Variants in MITF observed in about 807,000 individuals in gnomAD.
The protein encoded by MITF is microphthalmia-associated transcription factor.
MITF carries 17 observed loss-of-function variants against 60.5 expected under a neutral mutation model. That is an observed-to-expected ratio of 0.28 (90% CI 0.19 to 0.42). The LOEUF (loss-of-function observed/expected upper bound fraction) is 0.42. MITF is among the 10% of genes least tolerant of loss of function. The pLI is 1.00. For missense variants in MITF, 622 were observed against 683.5 expected, an observed-to-expected ratio of 0.91 and a Z score of 1.00; for synonymous variants, 260 against 248.5, an observed-to-expected ratio of 1.05 and a Z score of -0.43.
At chr3:69,869,627 A>C (rs2064185370) in intron 1 of MITF, among the ~76,000 whole-genome samples, 1 of 152,140 alleles carries the variant, frequency 6.6e-6, no homozygotes, top group African/African-American at 2.4e-5. Flanking sequence ...GAGGTCTGAA[A>C]AGCCCTTCTG....
At chr3:69,929,116 T>C (rs920681385) in intron 2 of MITF, among the ~76,000 whole-genome samples, 2 of 152,098 alleles carry the variant, frequency 1.3e-5, no homozygotes, top group East Asian at 3.9e-4. Flanking sequence ...CCAGAGGTGG[T>C]CAGAATCCTA....
chr3:69,903,876 G>A (rs2065043755), intron 2 of MITF, among the ~76,000 whole-genome samples: 1 of 152,106 alleles, frequency 6.6e-6, no homozygotes, highest in African/African-American at 2.4e-5. Context: ...TGTGCGACTT[G>A]GAAGCAAAAT....
intron 2 of MITF, among the ~76,000 whole-genome samples, chr3:69,900,413 T>G (rs2107347958): frequency 6.6e-6 from 1 of 152,326 alleles, no homozygotes; most frequent in East Asian, 1.9e-4. Context: ...CTTAATTAGT[T>G]TTGCATAACA....
intron 5 of MITF, among the ~76,000 whole-genome samples, chr3:69,946,699 A>G (rs2066104973): frequency 6.6e-6 from 1 of 152,208 alleles, no homozygotes; most frequent in Admixed American, 6.5e-5. Flanking sequence ...GAAATCTTTC[A>G]GAGAAGTAGA....
At chr3:69,771,356 C>G (rs1051818159) in intron 1 of MITF, among the ~76,000 whole-genome samples, 7 of 151,988 alleles carry the variant, frequency 4.6e-5, no homozygotes. Flanking sequence ...GGCGCTCTGA[C>G]TTTGAGTATT....
rs76807115 is a variant in MITF, at chr3:69,777,869, G to A, written c.104+38168G>A. Among the ~76,000 whole-genome samples, 12 of 152,252 alleles carry A rather than the reference G, an allele frequency of 7.9e-5. No individual in the cohort carries two copies. The South Asian group carries it at 8.3e-4, about 11-fold the overall frequency. ...GTACTTTTTAAGCCATGGTAAGAAG[G>A]GTGGGCTTTATTAGAAGGCCAATAG... is the stretch of plus-strand genomic sequence containing the variant. On this transcript the variant is annotated intron_variant, in intron 1 of 9. Coordinates refer to ENST00000352241, the MANE Select transcript of MITF (RefSeq NM_001354604.2).
intron 1 of MITF, among the ~76,000 whole-genome samples, chr3:69,860,411 G>C (rs896732583): frequency 4.9e-4 from 74 of 152,056 alleles, no homozygotes; most frequent in Non-Finnish European, 8.4e-4. Flanking sequence ...TCGAGACCAC[G>C]GTGAAACCCC....
At chr3:69,811,235 A>G (rs2063095580) in intron 1 of MITF, among the ~76,000 whole-genome samples, 1 of 152,200 alleles carries the variant, frequency 6.6e-6, no homozygotes, top group Non-Finnish European at 1.5e-5. Context: ...TCTCTGAAAT[A>G]CTTTACGAGT....
rs9833046 is a variant in MITF at position 69,879,680 on chromosome 3, A to G, written c.354+297A>G. On this transcript the variant is annotated intron_variant, in intron 2 of 9. Transcript: ENST00000352241. ...TCTTTGGGAAAGTTTCAAAACCAGA[A>G]TTATCTGAGGTGGGCCTCTTCTGAT... 0.025 allele frequency among the ~76,000 whole-genome samples: 3,736 copies of G among 152,298 alleles called. 143 individuals carry two copies. The highest frequency in any genetic ancestry group is 0.083 in the African/African-American group (3,429 of 41,536).
chr3:69,946,385 A>G (rs932966130), intron 5 of MITF, among the ~76,000 whole-genome samples: 3 of 152,060 alleles, frequency 2.0e-5, no homozygotes, highest in Non-Finnish European at 4.4e-5. Context: ...CTAATTGGAG[A>G]TGAATTGAAA....
chr3:69,899,017 T>C (rs10510992), intron 2 of MITF, among the ~76,000 whole-genome samples: 5,301 of 152,232 alleles, frequency 0.035, 164 homozygotes, highest in Admixed American at 0.089. Flanking sequence ...CCCAAAAAGA[T>C]GTATGAACAC....
At chr3:69,814,863 CT>C (rs1162652935) in intron 1 of MITF, among the ~76,000 whole-genome samples, 1 of 152,134 alleles carries the variant, frequency 6.6e-6, no homozygotes, top group African/African-American at 2.4e-5. Flanking sequence ...CTCACTGGCA[CT>C]TTGATGTTCA....
rs922733124 is a variant in MITF, at chr3:69,793,142, T to A, written c.104+53441T>A. On this transcript the variant is annotated intron_variant, in intron 1 of 9. Transcript: ENST00000352241. ...GATCTTCCCACTTCAGCCTCCTGAG[T>A]AGCTGGAACTATAGGCGCTTGCCAC... Among the ~76,000 whole-genome samples, 3 of 151,390 alleles carry A rather than the reference T, an allele frequency of 2.0e-5. No individual in the cohort carries two copies. The East Asian group carries it at 5.9e-4, about 30-fold the overall frequency.
intron 2 of MITF, among the ~76,000 whole-genome samples, chr3:69,925,894 T>C (rs2065574719): frequency 6.6e-6 from 1 of 152,184 alleles, no homozygotes; most frequent in Non-Finnish European, 1.5e-5. Context: ...ACTGTCTGCA[T>C]TGCACTTCTC....
At chr3:69,745,334 A>G (rs986394704) in intron 1 of MITF, among the ~76,000 whole-genome samples, 26 of 152,112 alleles carry the variant, frequency 1.7e-4, no homozygotes, top group Middle Eastern at 3.2e-3. Context: ...TCAAAGATAC[A>G]TCATACTGTG....
intron 1 of MITF, among the ~76,000 whole-genome samples, chr3:69,830,893 A>G (rs2063436065): frequency 2.0e-5 from 3 of 152,150 alleles, no homozygotes; most frequent in Admixed American, 1.3e-4. Context: ...TTTTCAGATT[A>G]CAAATATTCC....
At chr3:69,793,644 T>C (rs567990276) in intron 1 of MITF, among the ~76,000 whole-genome samples, 8 of 140,560 alleles carry the variant, frequency 5.7e-5, no homozygotes, top group South Asian at 2.3e-4. Flanking sequence ...ATAATGTATA[T>C]AAGGTATATA....
At chr3:69,911,007 T>G (rs2065212459) in intron 2 of MITF, among the ~76,000 whole-genome samples, 1 of 152,024 alleles carries the variant, frequency 6.6e-6, no homozygotes, top group Admixed American at 6.5e-5. Flanking sequence ...AATCTCAACT[T>G]GAATTGTATC....
chr3:69,862,444 A>G (rs2064033490), intron 1 of MITF, among the ~76,000 whole-genome samples: 1 of 152,198 alleles, frequency 6.6e-6, no homozygotes, highest in South Asian at 2.1e-4. Flanking sequence ...TAGAAGTATG[A>G]GTTTACTGGA....
Sources: gnomAD v4.1 joint callset for allele counts (sites outside exome capture counted in the v4.1 genomes callset) on GRCh38, gnomAD v4.1.1 for gene constraint, MANE v1.5 for transcripts, NCBI Gene and HGNC (gene_info 2026-07-23, HGNC 2026-07-21) for gene names.